The following MLLT10 variants were observed in gnomAD, a reference collection of about 807,000 sequenced individuals.
The protein encoded by MLLT10 is MLLT10 histone lysine methyltransferase DOT1L cofactor.
In MLLT10, 30 loss-of-function variants were observed where a neutral mutation model predicts 129.1. The ratio of observed to expected loss-of-function variants is 0.23; its 90% CI spans 0.17 to 0.32. The LOEUF (loss-of-function observed/expected upper bound fraction) is 0.32. MLLT10 is among the 10% of genes least tolerant of loss of function. MLLT10 has a pLI of 1.00. For synonymous variants in MLLT10, 490 were observed against 446.4 expected (o/e 1.10, Z -1.23); for missense variants, 1,119 against 1,268.3 (o/e 0.88, Z 1.79).
At chr10:21,590,201 A>G (rs559743964) in intron 4 of MLLT10, among the ~76,000 whole-genome samples, 6 of 152,092 alleles carry the variant, frequency 3.9e-5, no homozygotes, top group Non-Finnish European at 8.8e-5. Flanking sequence ...TCATCCTTCC[A>G]AAGTGTTGGG....
At chr10:21,649,277 A>G (rs912154178) in intron 8 of MLLT10, among the ~76,000 whole-genome samples, 6 of 152,102 alleles carry the variant, frequency 3.9e-5, no homozygotes, top group Admixed American at 2.0e-4. Context: ...GGGTCTCCCT[A>G]TGTTTCACAG....
At chr10:21,559,625 G>T (rs1056989495) in intron 3 of MLLT10, among the ~76,000 whole-genome samples, 2 of 151,936 alleles carry the variant, frequency 1.3e-5, no homozygotes, top group African/African-American at 2.4e-5. Flanking sequence ...CTCTCATTTC[G>T]CCCTCTCTAT....
At chr10:21,586,478 C>G (rs1189488178) in intron 4 of MLLT10, 130 bp downstream of exon 4, 1 of 773,688 alleles carries the variant, frequency 1.3e-6, no homozygotes, top group Non-Finnish European at 2.1e-6. Flanking sequence ...ACAGTGGTGG[C>G]TATAATTTAT....
At chr10:21,575,642 G>T (rs1307988926) in intron 3 of MLLT10, among the ~76,000 whole-genome samples, 2 of 152,120 alleles carry the variant, frequency 1.3e-5, no homozygotes, top group South Asian at 2.1e-4. Context: ...TACCTGAAAA[G>T]AATGTTTATA....
At chr10:21,730,877 A>G (rs1374607821) in intron 16 of MLLT10, 23 bp from the exon 17 acceptor site, 1 of 1,613,888 alleles carries the variant, frequency 6.2e-7, no homozygotes, top group East Asian at 2.2e-5. Flanking sequence ...CCTTCTTTTT[A>G]ACTTGAGAAT....
At chr10:21,702,849 G>A (rs1031235382) in intron 13 of MLLT10, among the ~76,000 whole-genome samples, 2 of 152,142 alleles carry the variant, frequency 1.3e-5, no homozygotes, top group African/African-American at 2.4e-5. Context: ...TGGGCAATAA[G>A]TAGTTGGACC....
chr10:21,740,084 C>T lies in MLLT10; in HGVS notation c.3010C>T (p.His1004Tyr). The T allele has an allele frequency of 1.2e-6, 2 of 1,614,016 alleles. No individual in the cohort carries two copies. Among genetic ancestry groups the T allele is most frequent in the South Asian group, 1.1e-5 (1 of 91,054 alleles). ...AATGCAACATCACCACCAGCAGCAC[C>T]ACCAACCTGAACTTCAGCAGCTGCA... ...QLMQHHHQQH[H>Y]QPELQQLQIP... The change falls in exon 22 of 23, where the codon CAC (histidine) becomes TAC (tyrosine). Residue 1004 changes from histidine (H) to tyrosine (Y), a missense_variant. Around this residue, in one of 5 missense-constraint regions of MLLT10, gnomAD observed 1,004 missense variants for 1,008.7 expected, o/e 1.00. Coordinates refer to ENST00000307729, the MANE Select transcript of MLLT10 (RefSeq NM_001195626.3).
At chr10:21,703,693 C>T (rs1246821964) in intron 13 of MLLT10, among the ~76,000 whole-genome samples, 1 of 151,918 alleles carries the variant, frequency 6.6e-6, no homozygotes, top group East Asian at 1.9e-4. Flanking sequence ...TACAGGTGTG[C>T]ACCACTACCA....
In MLLT10 at chr10:21,730,904, C is replaced by T; in HGVS notation, c.2068C>T (p.Pro690Ser). The stretch of plus-strand genomic sequence containing the variant: ...CTTGAGAATTGTTTTCAACAGATCC[C>T]CTGTAAGCAGCTTACAGATTCGCTA... ...SPRGSLSPRSPVSSLQIRYDQ... is the reference protein window; with the variant it reads ...SPRGSLSPRSSVSSLQIRYDQ... Residue 690 changes from proline (P) to serine (S), a missense_variant, in exon 17 of 23, where the codon CCT (proline) becomes TCT (serine). By Grantham distance (74) the Pro-to-Ser change is moderately conservative (BLOSUM62 -1). This residue lies in a region of MLLT10 where 1,004 missense variants were observed against 1,008.7 expected (regional missense o/e 1.00). Coordinates refer to ENST00000307729, the MANE Select transcript of MLLT10 (RefSeq NM_001195626.3). 1 of 1,614,018 alleles carries T rather than the reference C, an allele frequency of 6.2e-7. No individual in the cohort carries two copies. Among genetic ancestry groups the T allele is most frequent in the Non-Finnish European group, 8.5e-7 (1 of 1,179,948 alleles).
intron 21 of MLLT10, among the ~76,000 whole-genome samples, chr10:21,735,959 A>G (rs2058328905): frequency 6.6e-6 from 1 of 152,100 alleles, no homozygotes; most frequent in Non-Finnish European, 1.5e-5. Flanking sequence ...AAGTGTACCA[A>G]AAGTAGAGTG....
intron 3 of MLLT10, among the ~76,000 whole-genome samples, chr10:21,583,879 T>C (rs1160201023): frequency 6.6e-6 from 1 of 152,152 alleles, no homozygotes; most frequent in Non-Finnish European, 1.5e-5. Flanking sequence ...TCAATTTTTT[T>C]TTTTTTTTGA....
chr10:21,736,845 G>A (rs1396932418), intron 21 of MLLT10, among the ~76,000 whole-genome samples: 1 of 152,204 alleles, frequency 6.6e-6, no homozygotes, highest in Non-Finnish European at 1.5e-5. Context: ...GGTTAGTGCT[G>A]CACAGGTGAT....
intron 3 of MLLT10, among the ~76,000 whole-genome samples, chr10:21,574,162 T>G (rs902219358): frequency 4.6e-5 from 7 of 152,228 alleles, no homozygotes; most frequent in African/African-American, 1.7e-4. Context: ...CAACTTAAAA[T>G]GCTTCTCAGA....
intron 4 of MLLT10, among the ~76,000 whole-genome samples, chr10:21,592,299 C>T (rs900233396): frequency 7.9e-5 from 12 of 152,164 alleles, no homozygotes; most frequent in African/African-American, 2.7e-4. Context: ...TTTCCTATTA[C>T]TCAAGGAAAA....
chr10:21,691,871 A>G (rs1032781101), intron 13 of MLLT10, among the ~76,000 whole-genome samples: 2 of 152,052 alleles, frequency 1.3e-5, no homozygotes, highest in Non-Finnish European at 2.9e-5. Flanking sequence ...CTGTGGTGCC[A>G]GGGACTTAAT....
chr10:21,736,633 AAAG>A (rs1222808919), intron 21 of MLLT10, among the ~76,000 whole-genome samples: 5 of 152,216 alleles, frequency 3.3e-5, no homozygotes, highest in Non-Finnish European at 5.9e-5. Context: ...CATACAAGAG[AAAG>A]AAGAATTCTG....
At chr10:21,682,393 C>G (rs2052834651) in intron 13 of MLLT10, 136 bp downstream of exon 13, 1 of 683,282 alleles carries the variant, frequency 1.5e-6, no homozygotes, top group Non-Finnish European at 2.2e-6. Flanking sequence ...TGTTCAGCAC[C>G]TTAGTGAAAA....
At chr10:21,733,661 A>C in intron 19 of MLLT10, 69 bp downstream of exon 19, 1 of 1,467,004 alleles carries the variant, frequency 6.8e-7, no homozygotes, top group Non-Finnish European at 9.0e-7. Context: ...AAATGGTTTA[A>C]AATTATTTTA....
intron 5 of MLLT10, among the ~76,000 whole-genome samples, chr10:21,596,833 G>GT (rs575835236): frequency 6.8e-4 from 104 of 151,988 alleles, no homozygotes; most frequent in Admixed American, 4.3e-3. Context: ...TGCTGTGTGT[G>GT]TTTTTTCCCA....
Sources: allele counts gnomAD v4.1 joint callset (sites outside exome capture counted in the v4.1 genomes callset), GRCh38; gene constraint gnomAD v4.1.1; regional missense constraint gnomAD v4.1.1; transcripts MANE v1.5; gene names NCBI Gene and HGNC (gene_info 2026-07-23, HGNC 2026-07-21).